WDR48: variants seen among roughly 807,000 people sequenced by gnomAD.
The protein encoded by WDR48 is WD repeat domain 48.
A neutral mutation model predicts 94.0 loss-of-function variants in WDR48; 22 were observed. The observed-to-expected ratio is 0.23, with a 90% confidence interval of 0.17 to 0.33. The LOEUF (loss-of-function observed/expected upper bound fraction) is 0.33. Among genes scored for constraint, WDR48 ranks in the 10% least tolerant of loss-of-function variants. The pLI, the probability that WDR48 is intolerant of heterozygous loss-of-function variation, is 1.00. For synonymous variants in WDR48, 278 were observed against 280.5 expected (o/e 0.99, Z 0.09); for missense variants, 541 against 813.8 (o/e 0.66, Z 4.08).
chr3:39,091,204 T>C (rs1037297709), intron 16 of WDR48: 1 of 153,564 alleles, frequency 6.5e-6, no homozygotes, highest in African/African-American at 2.4e-5. Context: ...TTCAGTTGGA[T>C]GATGGGCCTC....
intron 12 of WDR48, 127 bp from the exon 13 acceptor site, chr3:39,084,518 A>C: frequency 1.3e-6 from 1 of 784,064 alleles, no homozygotes; most frequent in Non-Finnish European, 1.9e-6. Flanking sequence ...GAATCACACA[A>C]AACACATTTT....
At chr3:39,076,081 G>A (rs749937170) in intron 8 of WDR48, among the ~76,000 whole-genome samples, 1 of 152,108 alleles carries the variant, frequency 6.6e-6, no homozygotes, top group Non-Finnish European at 1.5e-5. Context: ...ATGAGAAACA[G>A]AACTGCAGAT....
intron 7 of WDR48, 113 bp from the exon 8 acceptor site, chr3:39,074,613 C>A: frequency 9.6e-7 from 1 of 1,040,274 alleles, no homozygotes; most frequent in Non-Finnish European, 1.4e-6. Context: ...GGCAGAAACA[C>A]AGGTTAATAG....
Position 39,063,147 on chromosome 3 carries a change from G to A in WDR48, c.146G>A (p.Gly49Asp), listed in dbSNP as rs1346411309. The A allele has an allele frequency of 6.2e-7, 1 of 1,613,996 alleles. No individual in the cohort carries two copies. Among genetic ancestry groups the A allele is most frequent in the Non-Finnish European group, 8.5e-7 (1 of 1,180,002 alleles). ...DPALNRLFTA[G>D]RDSIIRIWSV... is the part of the protein sequence containing the mutation. Reference sequence around the variant, plus strand: ...GCACTAAATAGACTTTTCACAGCCGGTCGAGACTCTATCATAAGAATATGG... The same window carrying A: ...GCACTAAATAGACTTTTCACAGCCGATCGAGACTCTATCATAAGAATATGG... The change falls in exon 2 of 19, where the codon GGT becomes GAT. Residue 49 changes from glycine to aspartate, a missense_variant. Physicochemically the swap from Gly to Asp is moderately conservative, Grantham distance 94. Transcript: ENST00000302313.
At chr3:39,070,928 C>G (rs547478860) in intron 7 of WDR48, among the ~76,000 whole-genome samples, 5 of 151,916 alleles carry the variant, frequency 3.3e-5, no homozygotes, top group Non-Finnish European at 7.4e-5. Context: ...TGAGAATATG[C>G]GGTGTTTGGT....
chr3:39,058,895 C>T (rs765987324), intron 1 of WDR48, among the ~76,000 whole-genome samples: 3 of 151,846 alleles, frequency 2.0e-5, no homozygotes, highest in African/African-American at 4.8e-5. Flanking sequence ...GCCAAGATGG[C>T]GAAACCCTGT....
At chr3:39,073,731 CTCTT>C (rs2034062095) in intron 7 of WDR48, among the ~76,000 whole-genome samples, 1 of 152,196 alleles carries the variant, frequency 6.6e-6, no homozygotes, top group Non-Finnish European at 1.5e-5. Context: ...GTAGTTGACT[CTCTT>C]GAGCCATCAG....
intron 11 of WDR48, 122 bp downstream of exon 11, chr3:39,079,930 G>C: frequency 2.0e-6 from 1 of 491,640 alleles, no homozygotes; most frequent in Non-Finnish European, 3.5e-6. Context: ...TTTATGGGGT[G>C]GTATATACTT....
chr3:39,086,191 C>G (rs1195396548), intron 14 of WDR48: 1 of 152,286 alleles, frequency 6.6e-6, no homozygotes, highest in Non-Finnish European at 1.5e-5. Flanking sequence ...CAGTAACGTT[C>G]CCTGAGCAGC....
chr3:39,083,625 T>G lies in WDR48; in HGVS notation c.1174-530T>G, dbSNP rs532246778. Reference sequence around the variant, plus strand: ...CAAGGTCAGAGGTAGAAGAGAGATTTAGTTGAGATGGACTGCAAGACAGTG... The same window carrying G: ...CAAGGTCAGAGGTAGAAGAGAGATTGAGTTGAGATGGACTGCAAGACAGTG... On this transcript the variant is annotated intron_variant, in intron 11 of 18. Transcript: ENST00000302313. Among the ~76,000 whole-genome samples the G allele has an allele frequency of 3.2e-4, 49 of 152,144 alleles. 1 individual carries two copies. Among genetic ancestry groups the G allele is most frequent in the Admixed American group, 1.4e-3 (22 of 15,294 alleles).
chr3:39,090,768 C>T (rs1241050346), intron 16 of WDR48: 3 of 152,142 alleles, frequency 2.0e-5, no homozygotes, highest in Non-Finnish European at 2.9e-5. Context: ...TTGTATCTTT[C>T]TAAAGCCATA....
intron 10 of WDR48, 46 bp from the exon 11 acceptor site, chr3:39,079,665 A>C (rs1676510320): frequency 2.2e-6 from 3 of 1,338,662 alleles, no homozygotes; most frequent in Non-Finnish European, 3.1e-6. Context: ...CATGAATTTA[A>C]ATGTAGAAAG....
Position 39,077,076 on chromosome 3 carries a change from T to C in WDR48, c.898-63T>C, listed in dbSNP as rs1437297987. The C allele has an allele frequency of 2.6e-6, 4 of 1,568,320 alleles. No homozygotes were observed. In the East Asian group the frequency reaches 9.0e-5, roughly 35 times the overall value. ...AAGGAGTTGATATTAATAACATATC[T>C]AGTCCTGGCAGTTCAGAAGAGTTGA... On this transcript the variant is annotated intron_variant, in intron 8 of 18. Coordinates refer to ENST00000302313, the MANE Select transcript of WDR48 (RefSeq NM_020839.4).
rs199552423 is a variant in WDR48, at chr3:39,094,642, A to C, written c.1939-6A>C. On this transcript the variant is annotated splice_polypyrimidine_tract_variant and splice_region_variant and intron_variant, in intron 18 of 18. Transcript: ENST00000302313. ...GAAATTTTTAAATTTAATTTTGGCT[A>C]TTCAGGTTTTGGATCCAAATATGGA... The C allele has an allele frequency of 1.9e-6, 3 of 1,614,134 alleles. No homozygotes were observed. Among genetic ancestry groups the C allele is most frequent in the Non-Finnish European group, 2.5e-6 (3 of 1,180,034 alleles).
At chr3:39,057,617 A>AT (rs1553655377) in intron 1 of WDR48, among the ~76,000 whole-genome samples, 1 of 152,022 alleles carries the variant, frequency 6.6e-6, no homozygotes, top group Non-Finnish European at 1.5e-5. Context: ...TGGTTATTTT[A>AT]TTTTATTTTT....
intron 17 of WDR48, among the ~76,000 whole-genome samples, chr3:39,091,923 A>C (rs566326309): frequency 6.6e-6 from 1 of 152,342 alleles, no homozygotes; most frequent in Admixed American, 6.5e-5. Flanking sequence ...CATAATCCCA[A>C]CACTTTGGGA....
intron 2 of WDR48, among the ~76,000 whole-genome samples, chr3:39,063,639 C>A (rs904643347): frequency 6.6e-6 from 1 of 152,292 alleles, no homozygotes; most frequent in East Asian, 1.9e-4. Context: ...CCCACACGGC[C>A]TAACTAGGTA....
In WDR48 at chr3:39,093,400, T is replaced by C. The variant is rs141869402; in HGVS notation, c.1746-474T>C. On this transcript the variant is annotated intron_variant, in intron 17 of 18. Transcript: ENST00000302313. ...GTTTTTCTGAGATGGAGTCTCACTCTGTCGCCCAGGCTAGAGTGCAGTGGC... is the reference window on the plus strand; with the variant it reads ...GTTTTTCTGAGATGGAGTCTCACTCCGTCGCCCAGGCTAGAGTGCAGTGGC... Among the ~76,000 whole-genome samples the C allele has an allele frequency of 3.9e-3, 595 of 152,352 alleles. 5 individuals are homozygous for C. Among genetic ancestry groups the C allele is most frequent in the African/African-American group, 9.2e-3 (381 of 41,582 alleles).
At chr3:39,090,570 G>A (rs1285648325) in intron 16 of WDR48, 2 of 151,976 alleles carry the variant, frequency 1.3e-5, no homozygotes, top group East Asian at 3.9e-4. Flanking sequence ...TAATCTATTA[G>A]AATTTAGTCT....
Sources: gnomAD v4.1 joint callset for allele counts (sites outside exome capture counted in the v4.1 genomes callset) on GRCh38, gnomAD v4.1.1 for gene constraint, MANE v1.5 for transcripts, NCBI Gene and HGNC (gene_info 2026-07-23, HGNC 2026-07-21) for gene names.